ATL2: variants seen among roughly 807,000 people sequenced by gnomAD.
The protein encoded by ATL2 is atlastin-2.
In ATL2, 31 loss-of-function variants were observed where a neutral mutation model predicts 73.9. The observed-to-expected ratio is 0.42, with a 90% CI of 0.32 to 0.57. The LOEUF (loss-of-function observed/expected upper bound fraction) is 0.57. ATL2 is among the 20% of genes least tolerant of loss of function. The pLI is 0.14. For missense variants in ATL2, 738 were observed against 702.6 expected (o/e 1.05, Z -0.57); for synonymous variants, 291 against 237.5 (o/e 1.23, Z -2.07).
intron 2 of ATL2, among the ~76,000 whole-genome samples, chr2:38,323,349 GTTTTTTT>G (rs1229668962): frequency 1.2e-4 from 9 of 75,266 alleles, no homozygotes; most frequent in East Asian, 6.9e-4. Flanking sequence ...ATCACCAGAA[GTTTTTTT>G]TTTTTTTTTT....
At chr2:38,299,012 C>T (rs1303759885) in intron 11 of ATL2, among the ~76,000 whole-genome samples, 1 of 152,146 alleles carries the variant, frequency 6.6e-6, no homozygotes, top group Non-Finnish European at 1.5e-5. Context: ...CTGAATCACA[C>T]ATTTGTCAGA....
chr2:38,307,426 G>C (rs1156540924), intron 9 of ATL2, among the ~76,000 whole-genome samples: 1 of 151,420 alleles, frequency 6.6e-6, no homozygotes, highest in Non-Finnish European at 1.5e-5. Context: ...TTGAACCTGG[G>C]AGGCGGACGT....
intron 1 of ATL2, among the ~76,000 whole-genome samples, chr2:38,373,859 CCAT>C (rs1176611976): frequency 6.6e-6 from 1 of 152,114 alleles, no homozygotes; most frequent in Admixed American, 6.6e-5. Flanking sequence ...TATCCTATTG[CCAT>C]CATATTTTCA....
intron 2 of ATL2, among the ~76,000 whole-genome samples, chr2:38,333,463 A>G (rs1669120730): frequency 6.6e-6 from 1 of 152,202 alleles, no homozygotes; most frequent in Non-Finnish European, 1.5e-5. Flanking sequence ...AACTCCCTAA[A>G]TGTTCTAAAA....
intron 1 of ATL2, among the ~76,000 whole-genome samples, chr2:38,354,514 G>C (rs1670548693): frequency 6.6e-6 from 1 of 152,130 alleles, no homozygotes; most frequent in Non-Finnish European, 1.5e-5. Flanking sequence ...ATTCTAAATA[G>C]GCAGATATAT....
chr2:38,325,847 C>T (rs373812207), intron 2 of ATL2, among the ~76,000 whole-genome samples: 2 of 148,320 alleles, frequency 1.3e-5, no homozygotes, highest in South Asian at 2.1e-4. Flanking sequence ...ATTAAATTAG[C>T]CAACTCCAGC....
intron 1 of ATL2, among the ~76,000 whole-genome samples, chr2:38,351,906 G>A (rs1481447427): frequency 6.6e-6 from 1 of 151,766 alleles, no homozygotes; most frequent in Admixed American, 6.6e-5. Context: ...AAGGTCAGGA[G>A]TTTGAGACCA....
intron 7 of ATL2, among the ~76,000 whole-genome samples, chr2:38,311,133 T>C (rs1404512525): frequency 6.6e-6 from 1 of 150,948 alleles, no homozygotes; most frequent in East Asian, 1.9e-4. Context: ...AAAAAAAAAG[T>C]ATAAATTTGC....
intron 7 of ATL2, among the ~76,000 whole-genome samples, chr2:38,310,951 A>G (rs1667727208): frequency 6.6e-6 from 1 of 152,092 alleles, no homozygotes; most frequent in Non-Finnish European, 1.5e-5. Flanking sequence ...TTAAACCACA[A>G]AAGATGTTTT....
rs139134797 is a variant in ATL2, at chr2:38,300,865, T to C, written c.1072-537A>G. Among the ~76,000 whole-genome samples, 814 of 148,728 alleles carry C rather than the reference T, an allele frequency of 5.5e-3. 10 individuals carry two copies. Among genetic ancestry groups the C allele is most frequent in the African/African-American group, 0.019 (743 of 39,056 alleles). ...TTTACTTTGACCAGCTTAAATTGTATTTCAGCTCAAGAAGGAAAAAAAAAA... is the reference window on the plus strand; with the variant it reads ...TTTACTTTGACCAGCTTAAATTGTACTTCAGCTCAAGAAGGAAAAAAAAAA... On this transcript the variant is annotated intron_variant, in intron 9 of 12. Transcript: ENST00000378954.
At position 38,295,232 on chromosome 2, in the gene ATL2, A is replaced by C. The variant is rs1666832075; in HGVS notation, c.*762T>G. 6.6e-6 allele frequency: 1 copy of C among 152,190 alleles called. No individual in the cohort carries two copies. Among genetic ancestry groups the C allele is most frequent in the Non-Finnish European group, 1.5e-5 (1 of 68,038 alleles). The allele number at this position is 152,190 out of a possible 1,614,324, so 9.4% of individuals were successfully genotyped here. A position where few individuals can be genotyped will look rare whatever the true frequency, so the allele number is the denominator to read the frequency against. On this transcript the variant is annotated 3_prime_UTR_variant, in exon 13 of 13. Transcript: ENST00000378954. ...ATACATGCCCTATCTGTGATTTTAG[A>C]AAATAAAAGCTACACACTGTACAGA...
chr2:38,299,146 C>T (rs557771894), intron 11 of ATL2, 110 bp downstream of exon 11: 1 of 1,014,240 alleles, frequency 9.9e-7, no homozygotes, highest in Non-Finnish European at 1.3e-6. Context: ...GAATAATGTA[C>T]CATAAGCTGC....
chr2:38,343,176 AAAGATATAGTTCTGG>A, intron 2 of ATL2, 77 bp downstream of exon 2: 10 of 665,774 alleles, frequency 1.5e-5, no homozygotes, highest in Non-Finnish European at 2.2e-5. Context: ...AAAAAAAAAA[AAAGATATAGTTCTGG>A]TTTTTGTCTA....
Position 38,327,011 on chromosome 2 carries a change from C to T in ATL2, c.364-7992G>A, listed in dbSNP as rs1283631761. ...TCAAAAAACAAAGCAAAACAAAAAT[C>T]ATGCAAGCAGGAAGGAAATAGGGTG... On this transcript the variant is annotated intron_variant, in intron 2 of 12. Coordinates refer to ENST00000378954, the MANE Select transcript of ATL2 (RefSeq NM_001135673.4). Among the ~76,000 whole-genome samples the T allele has an allele frequency of 2.6e-5, 4 of 151,234 alleles. No homozygotes were observed. In the East Asian group the frequency reaches 7.8e-4, roughly 29 times the overall value.
chr2:38,337,968 T>C (rs1244323850), intron 2 of ATL2, among the ~76,000 whole-genome samples: 3 of 152,184 alleles, frequency 2.0e-5, no homozygotes, highest in Non-Finnish European at 2.9e-5. Context: ...TCATGTATAT[T>C]ATATAATTCT....
At chr2:38,349,053 G>C (rs1012986244) in intron 1 of ATL2, among the ~76,000 whole-genome samples, 9 of 150,432 alleles carry the variant, frequency 6.0e-5, no homozygotes, top group Non-Finnish European at 7.5e-5. Flanking sequence ...GGAGAAATAG[G>C]AACACTTTTA....
chr2:38,322,227 T>C (rs538304413), intron 2 of ATL2, among the ~76,000 whole-genome samples: 1 of 152,326 alleles, frequency 6.6e-6, no homozygotes, highest in African/African-American at 2.4e-5. Flanking sequence ...GAATTTATTA[T>C]TTGTAAAAGT....
intron 2 of ATL2, among the ~76,000 whole-genome samples, chr2:38,329,473 A>G (rs1354322428): frequency 6.6e-6 from 1 of 151,008 alleles, no homozygotes; most frequent in Non-Finnish European, 1.5e-5. Flanking sequence ...AACCTTCCAA[A>G]AGAAGGATTT....
chr2:38,339,476 G>A (rs1243439297), intron 2 of ATL2, among the ~76,000 whole-genome samples: 1 of 151,992 alleles, frequency 6.6e-6, no homozygotes, highest in Non-Finnish European at 1.5e-5. Flanking sequence ...CTAGGTAAAG[G>A]ATTCAGGTAT....
Sources: gnomAD v4.1 joint callset for allele counts (sites outside exome capture counted in the v4.1 genomes callset) on GRCh38, gnomAD v4.1.1 for gene constraint, MANE v1.5 for transcripts, NCBI Gene and HGNC (gene_info 2026-07-23, HGNC 2026-07-21) for gene names.